Variants in MGAM observed in about 807,000 individuals in gnomAD.
The protein encoded by MGAM is alpha-1,4-glucosidase.
MGAM carries 253 observed loss-of-function variants against 358.8 expected under a neutral mutation model. The ratio of observed to expected loss-of-function variants is 0.71; its 90% confidence interval spans 0.64 to 0.78. MGAM has a LOEUF of 0.78. Among genes scored for constraint, MGAM ranks in the 30% least tolerant of loss-of-function variants. The pLI, the probability that MGAM is intolerant of heterozygous loss-of-function variation, is 0.00. For missense variants in MGAM, 3,080 were observed against 3,432.6 expected, an observed-to-expected ratio of 0.90 and a Z score of 2.57; for synonymous variants, 1,105 against 1,227.1, an observed-to-expected ratio of 0.90 and a Z score of 2.08.
intron 37 of MGAM, 130 bp from the exon 38 acceptor site, chr7:142,065,205 C>A: frequency 7.8e-7 from 1 of 1,279,810 alleles, no homozygotes; most frequent in Non-Finnish European, 1.1e-6. Context: ...CCTATTACAG[C>A]TCAGAGTCCC....
At position 142,064,520 on chromosome 7, in the gene MGAM, C is replaced by T. The variant is rs1411102944; in HGVS notation, c.4482C>T (p.Tyr1494=). The T allele has an allele frequency of 3.2e-6, 5 of 1,572,004 alleles. No homozygotes were observed. Among genetic ancestry groups the T allele is most frequent in the Non-Finnish European group, 4.3e-6 (5 of 1,158,662 alleles). ...LYGWSQTRPT[Y]EAVQEVTGQR... is the part of the protein sequence containing the mutation. ...GGTGGTCCCAGACCAGACCCACATA[C>T]GAGTGAGTCTCCGTCTCCCTTCTCC... is the stretch of plus-strand genomic sequence containing the variant. Residue 1494 remains tyrosine (Y), a splice_region_variant and synonymous_variant, in exon 37 of 71, where the codon TAC becomes TAT. Coordinates refer to ENST00000475668, the MANE Select transcript of MGAM (RefSeq NM_001365693.1).
At chr7:142,050,345 G>A (rs964556499) in intron 23 of MGAM, 61 bp downstream of exon 23, 3 of 1,537,550 alleles carry the variant, frequency 2.0e-6, no homozygotes, top group Middle Eastern at 1.7e-4. Context: ...TAGCACATCT[G>A]TGCTTGTGTA....
rs35627220 is a variant in MGAM at position 142,088,656 on chromosome 7, G to GTCTATCTATCTA, written c.6810+1970_6810+1981dup. On this transcript the variant is annotated intron_variant, in intron 57 of 70. Coordinates refer to ENST00000475668, the MANE Select transcript of MGAM (RefSeq NM_001365693.1). Reference sequence around the variant, plus strand: ...GTTATATCTATCTTTCTATCTGTCTGTCTATCTATCTATCTATCTATCTAT... The same window carrying GTCTATCTATCTA: ...GTTATATCTATCTTTCTATCTGTCTGTCTATCTATCTATCTATCTATCTATCTATCTATCTAT... Among the ~76,000 whole-genome samples the GTCTATCTATCTA allele has an allele frequency of 4.6e-4, 58 of 125,854 alleles. 2 individuals are homozygous for GTCTATCTATCTA. Among genetic ancestry groups the GTCTATCTATCTA allele is most frequent in the East Asian group, 9.9e-4 (4 of 4,044 alleles). The allele number at this position is 125,854 out of a possible 152,430, so 82.6% of individuals were successfully genotyped here.
chr7:142,000,347 T>A (rs1383032721), intron 1 of MGAM, among the ~76,000 whole-genome samples: 1 of 152,134 alleles, frequency 6.6e-6, no homozygotes, highest in Non-Finnish European at 1.5e-5. Flanking sequence ...TTGCTAGAAA[T>A]TTCCATAGTC....
chr7:142,054,707 G>T, intron 26 of MGAM, 47 bp from the exon 27 acceptor site: 3 of 1,604,688 alleles, frequency 1.9e-6, no homozygotes, highest in Non-Finnish European at 2.6e-6. Flanking sequence ...AAGGGTATAG[G>T]TTTCAAGAGT....
intron 19 of MGAM, among the ~76,000 whole-genome samples, chr7:142,038,892 A>T (rs1012520872): frequency 6.6e-6 from 1 of 152,122 alleles, no homozygotes; most frequent in African/African-American, 2.4e-5. Context: ...TTGCATTGCT[A>T]TACAGAAATT....
chr7:142,098,835 A>G (rs1420148125), intron 66 of MGAM, among the ~76,000 whole-genome samples: 2 of 152,214 alleles, frequency 1.3e-5, no homozygotes, highest in African/African-American at 2.4e-5. Flanking sequence ...TTAGAAAAAG[A>G]TGAAATTTTG....
chr7:142,018,875 T>A (rs1180022297), intron 3 of MGAM, among the ~76,000 whole-genome samples: 3 of 152,212 alleles, frequency 2.0e-5, no homozygotes, highest in Non-Finnish European at 4.4e-5. Context: ...AAGCTCCATT[T>A]GTAATTTTGG....
rs1439523668 is a variant in MGAM at position 142,080,864 on chromosome 7, CT to C, written c.5922del (p.Glu1975ArgfsTer26). ...LNIPSVPSST[P>X]EGQLYDVLIK... ...ATACCCAGCGTGCCATCCAGCACCC[CT>C]GAGGGTCAACTCTATGATGTCCTCA... On this transcript the variant is annotated frameshift_variant, in exon 50 of 71. Coordinates refer to ENST00000475668, the MANE Select transcript of MGAM (RefSeq NM_001365693.1). LOFTEE classifies it high-confidence loss of function. 1.3e-6 allele frequency: 2 copies of C among 1,556,630 alleles called. No homozygotes were observed. The highest frequency in any genetic ancestry group is 1.3e-5 in the African/African-American group (1 of 74,664).
chr7:142,040,534 A>G (rs1808417385), intron 20 of MGAM, 188 bp from the exon 21 acceptor site: 2 of 730,370 alleles, frequency 2.7e-6, no homozygotes, highest in Admixed American at 6.2e-5. Flanking sequence ...AAATTTTTTC[A>G]CAAACCCCCA....
chr7:141,995,960 G>C (rs375082652), intron 1 of MGAM, 30 bp downstream of exon 1: 3 of 152,100 alleles, frequency 2.0e-5, no homozygotes. Context: ...ATTCTTTTAC[G>C]GTTACAGATG....
At chr7:142,075,869 A>T (rs6464458) in intron 45 of MGAM, among the ~76,000 whole-genome samples, 64,190 of 144,650 alleles carry the variant, frequency 0.44, 18,260 homozygotes, top group Middle Eastern at 0.61. Flanking sequence ...TGGAAAATAG[A>T]ATGGAGGTTC....
At chr7:142,050,378 T>A (rs1429282801) in intron 23 of MGAM, 94 bp downstream of exon 23, 26 of 1,428,132 alleles carry the variant, frequency 1.8e-5, no homozygotes, top group Non-Finnish European at 2.5e-5. Context: ...GTGATTATAT[T>A]TGTAACTTTA....
intron 21 of MGAM, among the ~76,000 whole-genome samples, chr7:142,045,716 T>C (rs186794848): frequency 2.6e-5 from 2 of 78,126 alleles, no homozygotes; most frequent in Non-Finnish European, 4.5e-5. Flanking sequence ...ATATAATATA[T>C]AATATATACA....
rs1283708069 is a variant in MGAM at position 142,088,721 on chromosome 7, ATGTCTGTCTGTC to A, written c.6810+2022_6810+2033del. Among the ~76,000 whole-genome samples, 965 of 118,666 alleles carry A rather than the reference ATGTCTGTCTGTC, an allele frequency of 8.1e-3. 41 individuals are homozygous for A. Among genetic ancestry groups the A allele is most frequent in the African/African-American group, 0.028 (902 of 32,210 alleles). 77.8% of individuals were successfully genotyped at this position (118,666 alleles called of 152,430 possible). Reference sequence around the variant, plus strand: ...ATCCATCCAGCCACCCTATTCATTTATGTCTGTCTGTCTGTCTGTCTGTCTGTCTATCTATCT... The same window carrying A: ...ATCCATCCAGCCACCCTATTCATTTATGTCTGTCTGTCTGTCTATCTATCT... On this transcript the variant is annotated intron_variant, in intron 57 of 70. Coordinates refer to ENST00000475668, the MANE Select transcript of MGAM (RefSeq NM_001365693.1).
intron 53 of MGAM, among the ~76,000 whole-genome samples, chr7:142,083,867 G>A (rs1173305213): frequency 1.4e-5 from 2 of 143,156 alleles, no homozygotes; most frequent in African/African-American, 2.5e-5. Context: ...ATGGGGTGGT[G>A]ATGGTTGGTG....
Position 142,076,654 on chromosome 7 carries a change from T to C in MGAM, c.5326-5T>C, listed in dbSNP as rs763239696. On this transcript the variant is annotated splice_region_variant and splice_polypyrimidine_tract_variant and intron_variant, in intron 46 of 70. Coordinates refer to ENST00000475668, the MANE Select transcript of MGAM (RefSeq NM_001365693.1). ...TATGCATAATTGGAGTTAATTGTTT[T>C]GCAGAACCACTTGGAGGTGACTATT... The C allele has an allele frequency of 2.0e-6, 3 of 1,531,958 alleles. No homozygotes were observed. The South Asian group carries it at 3.4e-5, about 17-fold the overall frequency. The allele number at this position is 1,531,958 out of a possible 1,614,324, so 94.9% of individuals were successfully genotyped here. A position where few individuals can be genotyped will look rare whatever the true frequency, so the allele number is the denominator to read the frequency against.
Position 142,052,570 on chromosome 7 carries a change from G to A in MGAM, c.2958+124G>A, listed in dbSNP as rs535458800. The A allele has an allele frequency of 1.0e-4, 139 of 1,392,046 alleles. 4 individuals carry two copies. The South Asian group carries it at 1.9e-3, about 20-fold the overall frequency. The allele number at this position is 1,392,046 out of a possible 1,614,324, so 86.2% of individuals were successfully genotyped here. On this transcript the variant is annotated intron_variant, in intron 25 of 70. Transcript: ENST00000475668. ...ATAGAAAGAACTTCCTAAGGGACAG[G>A]ATCTAGATGTGACAAGTAGGTGGGG... is the stretch of plus-strand genomic sequence containing the variant.
chr7:142,052,206 A>AT (rs71166554), intron 24 of MGAM, 88 bp from the exon 25 acceptor site: 6,469 of 1,020,714 alleles, frequency 6.3e-3, no homozygotes, highest in East Asian at 9.9e-3. Flanking sequence ...TCTAATTTCT[A>AT]TTTTTTTTTT....
Sources: allele counts gnomAD v4.1 joint callset (sites outside exome capture counted in the v4.1 genomes callset), GRCh38; gene constraint gnomAD v4.1.1; transcripts MANE v1.5; gene names NCBI Gene and HGNC (gene_info 2026-07-23, HGNC 2026-07-21).